The following ABCA13 variants were observed in gnomAD, a reference collection of about 807,000 sequenced individuals.
ABCA13 encodes ATP binding cassette subfamily A member 13.
A neutral mutation model predicts 478.7 loss-of-function variants in ABCA13; 476 were observed. That is an observed-to-expected ratio of 0.99 (90% CI 0.92 to 1.07). ABCA13 has a LOEUF of 1.07. Among genes scored for constraint, ABCA13 ranks in the 50% least tolerant of loss-of-function variants. The pLI, the probability that ABCA13 is intolerant of heterozygous loss-of-function variation, is 0.00. For missense variants in ABCA13, 6,060 were observed against 5,910.6 expected (o/e 1.03, Z -0.83); for synonymous variants, 2,252 against 2,158.9 (o/e 1.04, Z -1.20).
intron 45 of ABCA13, among the ~76,000 whole-genome samples, chr7:48,476,517 G>GTAGGT (rs1271589114): frequency 6.6e-6 from 1 of 151,744 alleles, no homozygotes; most frequent in Non-Finnish European, 1.5e-5. Context: ...GGCAGGGGTG[G>GTAGGT]TAGGTTGGGG....
chr7:48,309,966 C>T lies in ABCA13; in HGVS notation c.9341C>T (p.Thr3114Ile), dbSNP rs1487733074. The T allele has an allele frequency of 6.2e-7, 1 of 1,613,770 alleles. No homozygotes were observed. The highest frequency in any genetic ancestry group is 8.5e-7 in the Non-Finnish European group (1 of 1,179,798). ...AAACAGGTTCTCTTCAGTGCCCTCA[C>T]CGTAGCTCTGTCTGGAAAGTGTGAT... ...SHSKVLFSAL[T>I]VALSGKCDQE... Residue 3114 changes from threonine to isoleucine, a missense_variant, in exon 24 of 62, where the codon ACC becomes ATC. By Grantham distance (89) the Thr-to-Ile change is moderately conservative (BLOSUM62 -1). This residue lies in a region of ABCA13 where 4,423 missense variants were observed against 4,309.1 expected (regional missense o/e 1.03). Coordinates refer to ENST00000435803, the MANE Select transcript of ABCA13 (RefSeq NM_152701.5).
chr7:48,481,726 TTGAACTCC>T (rs1422877926), intron 46 of ABCA13, among the ~76,000 whole-genome samples: 1 of 151,976 alleles, frequency 6.6e-6, no homozygotes, highest in Non-Finnish European at 1.5e-5. Flanking sequence ...CAGGCTGGTC[TTGAACTCC>T]TGACCTCAGG....
At position 48,272,744 on chromosome 7, in the gene ABCA13, T is replaced by C. The variant is rs1175565410; in HGVS notation, c.3078T>C (p.Asn1026=). 2 of 1,609,074 alleles carry C rather than the reference T, an allele frequency of 1.2e-6. No individual in the cohort carries two copies. The highest frequency in any genetic ancestry group is 1.7e-6 in the Non-Finnish European group (2 of 1,177,054). Residue 1026 remains asparagine (N), a synonymous_variant, in exon 17 of 62, where the codon AAT becomes AAC. Transcript: ENST00000435803. The part of the protein sequence containing the change: ...KTAEVLGGIS[N]VSYCQQLLSI... The stretch of plus-strand genomic sequence containing the variant: ...CAGAGGTTCTTGGGGGAATTTCTAA[T>C]GTATCTTACTGTCAGCAATTGCTTT...
intron 55 of ABCA13, among the ~76,000 whole-genome samples, chr7:48,570,314 A>G (rs1033346737): frequency 4.6e-5 from 6 of 130,524 alleles, no homozygotes; most frequent in African/African-American, 1.5e-4. Context: ...ATCTTTTTGC[A>G]TCCTCTTTTT....
intron 55 of ABCA13, among the ~76,000 whole-genome samples, chr7:48,556,008 T>A (rs77439749): frequency 0.01 from 1,545 of 151,850 alleles, 32 homozygotes; most frequent in African/African-American, 0.035. Flanking sequence ...TGTTGTGCTC[T>A]CATTAGCATT....
chr7:48,645,301 A>G (rs1795369836), intron 61 of ABCA13, 116 bp from the exon 62 acceptor site: 1 of 689,470 alleles, frequency 1.5e-6, no homozygotes, highest in African/African-American at 1.8e-5. Context: ...TGAATTAATG[A>G]TCTGTGGTTT....
chr7:48,391,886 G>C, intron 37 of ABCA13, 35 bp from the exon 38 acceptor site: 1 of 1,592,784 alleles, frequency 6.3e-7, no homozygotes, highest in Non-Finnish European at 8.6e-7. Flanking sequence ...TATCAGCAAC[G>C]CGTATTCTCC....
In ABCA13 at chr7:48,326,631, T is replaced by G. The variant is rs150689215; in HGVS notation, c.10000-8791T>G. Among the ~76,000 whole-genome samples, 11 of 152,306 alleles carry G rather than the reference T, an allele frequency of 7.2e-5. No individual in the cohort carries two copies. The East Asian group carries it at 2.1e-3, about 29-fold the overall frequency. On this transcript the variant is annotated intron_variant, in intron 27 of 61. Transcript: ENST00000435803. Reference sequence around the variant, plus strand: ...AAGTGAGTCTTAGGGGTAAGTAACCTTATCAAAAGCTGTCAACAGGAGGCA... The same window carrying G: ...AAGTGAGTCTTAGGGGTAAGTAACCGTATCAAAAGCTGTCAACAGGAGGCA...
intron 42 of ABCA13, among the ~76,000 whole-genome samples, chr7:48,444,782 A>G (rs1355006761): frequency 1.3e-5 from 2 of 152,168 alleles, no homozygotes; most frequent in African/African-American, 2.4e-5. Context: ...AGGTACCTCC[A>G]TCTCAACACG....
chr7:48,236,520 T>C (rs1050342827), intron 8 of ABCA13, among the ~76,000 whole-genome samples: 2 of 152,342 alleles, frequency 1.3e-5, no homozygotes, highest in Admixed American at 1.3e-4. Context: ...TCTTGCTTTT[T>C]CCAGCTTCCA....
intron 31 of ABCA13, among the ~76,000 whole-genome samples, chr7:48,365,267 G>C (rs1161127476): frequency 6.6e-6 from 1 of 151,968 alleles, no homozygotes; most frequent in African/African-American, 2.4e-5. Flanking sequence ...GATTATGTGG[G>C]TTTCTTGCTA....
chr7:48,182,244 G>A (rs1022630490), intron 1 of ABCA13, among the ~76,000 whole-genome samples: 4 of 152,120 alleles, frequency 2.6e-5, no homozygotes, highest in Non-Finnish European at 5.9e-5. Flanking sequence ...ATGCTCTATC[G>A]ATACCCTAAC....
intron 15 of ABCA13, among the ~76,000 whole-genome samples, chr7:48,262,508 C>G (rs1416581112): frequency 6.6e-6 from 1 of 151,896 alleles, no homozygotes; most frequent in East Asian, 1.9e-4. Flanking sequence ...TTTTCCTTCT[C>G]TGCTATGCCA....
chr7:48,210,039 T>C (rs185693776), intron 3 of ABCA13, among the ~76,000 whole-genome samples: 1 of 152,244 alleles, frequency 6.6e-6, no homozygotes, highest in Admixed American at 6.5e-5. Context: ...TTCTTTAAGA[T>C]GCATACTGTA....
chr7:48,471,287 C>T (rs1008139122), intron 44 of ABCA13, among the ~76,000 whole-genome samples: 4 of 152,296 alleles, frequency 2.6e-5, no homozygotes, highest in Non-Finnish European at 4.4e-5. Context: ...CCCTGTGATA[C>T]ACTCAGTACA....
chr7:48,627,684 TG>T (rs1793789100), intron 59 of ABCA13, among the ~76,000 whole-genome samples: 1 of 152,194 alleles, frequency 6.6e-6, no homozygotes, highest in African/African-American at 2.4e-5. Flanking sequence ...TACCAGAGAC[TG>T]GGTAGTTTAT....
chr7:48,499,105 C>A (rs1218680244), intron 48 of ABCA13, among the ~76,000 whole-genome samples: 1 of 151,958 alleles, frequency 6.6e-6, no homozygotes, highest in East Asian at 1.9e-4. Flanking sequence ...AAATGTAAAA[C>A]CCTTCTACAA....
At position 48,275,375 on chromosome 7, in the gene ABCA13, C is replaced by T. The variant is rs370211020; in HGVS notation, c.5709C>T (p.Leu1903=). 5.3e-5 allele frequency: 85 copies of T among 1,613,942 alleles called. No homozygotes were observed. In the African/African-American group the frequency reaches 9.5e-4, roughly 18 times the overall value. The change falls in exon 17 of 62, where the codon CTC becomes CTT. Residue 1903 remains leucine (L), a synonymous_variant. Coordinates refer to ENST00000435803, the MANE Select transcript of ABCA13 (RefSeq NM_152701.5). ...ACTGGAATTCTATTCTTCTGGAGCT[C>T]TCTGAAGTCTTCCATGTTAACATTT... ...LVDWNSILLE[L]SEVFHVNISL...
At chr7:48,629,443 C>T (rs533606259) in intron 59 of ABCA13, among the ~76,000 whole-genome samples, 3 of 151,878 alleles carry the variant, frequency 2.0e-5, no homozygotes, top group East Asian at 1.9e-4. Flanking sequence ...GCATAAAATG[C>T]GTGTGTGAGT....
Sources: gnomAD v4.1 joint callset for allele counts (sites outside exome capture counted in the v4.1 genomes callset) on GRCh38, gnomAD v4.1.1 for gene constraint, gnomAD v4.1.1 regional missense constraint, MANE v1.5 for transcripts, NCBI Gene and HGNC (gene_info 2026-07-23, HGNC 2026-07-21) for gene names.